Variants in MALRD1 observed in about 807,000 individuals in gnomAD.
MALRD1 encodes the protein MAM and LDL receptor class A domain containing 1.
Under a neutral mutation model 242.1 loss-of-function variants are expected in MALRD1, and 247 were observed. The ratio of observed to expected loss-of-function variants is 1.02; its 90% CI spans 0.92 to 1.13. The LOEUF (loss-of-function observed/expected upper bound fraction) is 1.13. Among genes scored for constraint, MALRD1 ranks in the 50% most tolerant of loss-of-function variants. MALRD1 has a pLI of 0.00. For missense variants in MALRD1, 2,989 were observed against 2,533.1 expected (o/e 1.18, Z -3.86); for synonymous variants, 995 against 866.6 (o/e 1.15, Z -2.60).
At chr10:19,162,317 C>T (rs1214482180) in intron 12 of MALRD1, among the ~76,000 whole-genome samples, 2 of 152,110 alleles carry the variant, frequency 1.3e-5, no homozygotes, top group Admixed American at 1.3e-4. Context: ...GTTACTTTCT[C>T]TCTATATATT....
chr10:19,555,809 G>T (rs1057445961), intron 32 of MALRD1, among the ~76,000 whole-genome samples: 2 of 152,138 alleles, frequency 1.3e-5, no homozygotes, highest in Non-Finnish European at 2.9e-5. Context: ...GGTCTCTAAA[G>T]ATTGAGTTGG....
chr10:19,726,993 A>G (rs1835056963), intron 38 of MALRD1, among the ~76,000 whole-genome samples: 1 of 152,220 alleles, frequency 6.6e-6, no homozygotes, highest in African/African-American at 2.4e-5. Context: ...TCAGAGTTAT[A>G]AAAACATTTT....
intron 33 of MALRD1, among the ~76,000 whole-genome samples, chr10:19,576,503 A>T (rs1836834018): frequency 6.6e-6 from 1 of 152,230 alleles, no homozygotes; most frequent in African/African-American, 2.4e-5. Context: ...AGCAAATGGA[A>T]GGGAAATTAA....
intron 18 of MALRD1, among the ~76,000 whole-genome samples, chr10:19,246,404 A>G (rs970244680): frequency 6.6e-6 from 1 of 152,118 alleles, no homozygotes; most frequent in African/African-American, 2.4e-5. Context: ...AGAGGGGGAG[A>G]CACCATAAGA....
At chr10:19,578,781 T>A (rs989916066) in intron 33 of MALRD1, among the ~76,000 whole-genome samples, 1 of 152,012 alleles carries the variant, frequency 6.6e-6, no homozygotes, top group Non-Finnish European at 1.5e-5. Flanking sequence ...CCTTGTGTTT[T>A]GCCCTTCCTT....
intron 28 of MALRD1, among the ~76,000 whole-genome samples, chr10:19,419,166 T>G (rs1444374488): frequency 1.3e-5 from 2 of 152,218 alleles, no homozygotes; most frequent in South Asian, 4.1e-4. Flanking sequence ...AATACCTTCA[T>G]TTCCCTTAAC....
intron 21 of MALRD1, among the ~76,000 whole-genome samples, chr10:19,295,184 G>C (rs978977087): frequency 4.6e-5 from 7 of 151,878 alleles, no homozygotes; most frequent in Non-Finnish European, 8.8e-5. Context: ...ATACACAGTA[G>C]AATTTTGTGT....
At chr10:19,576,414 C>A (rs1481820727) in intron 33 of MALRD1, among the ~76,000 whole-genome samples, 1 of 152,128 alleles carries the variant, frequency 6.6e-6, no homozygotes, top group Non-Finnish European at 1.5e-5. Flanking sequence ...CTTGAAAATT[C>A]TGCAACATTT....
At chr10:19,617,362 A>G (rs919284477) in intron 36 of MALRD1, among the ~76,000 whole-genome samples, 8 of 152,098 alleles carry the variant, frequency 5.3e-5, no homozygotes, top group African/African-American at 1.9e-4. Context: ...AAGAAAGTCA[A>G]TCAAATATCC....
rs958182696 is a variant in MALRD1, at chr10:19,619,505, A to C, written c.6137+3582A>C. On this transcript the variant is annotated intron_variant, in intron 36 of 39. Coordinates refer to ENST00000454679, the MANE Select transcript of MALRD1 (RefSeq NM_001142308.3). The stretch of plus-strand genomic sequence containing the variant: ...TTTATTTTTAAGGATACCTCCAACA[A>C]TTATGGTCATTGAAAAAACATAAAA... 5.9e-5 allele frequency among the ~76,000 whole-genome samples: 9 copies of C among 152,220 alleles called. No individual in the cohort carries two copies. The South Asian group carries it at 8.3e-4, about 14-fold the overall frequency.
intron 18 of MALRD1, among the ~76,000 whole-genome samples, chr10:19,252,191 T>C (rs1240680476): frequency 1.3e-5 from 2 of 152,060 alleles, no homozygotes; most frequent in Non-Finnish European, 2.9e-5. Context: ...AGGACTAGTG[T>C]CTGCGGCAGC....
At chr10:19,537,565 A>G (rs761617460) in intron 32 of MALRD1, among the ~76,000 whole-genome samples, 1 of 152,070 alleles carries the variant, frequency 6.6e-6, no homozygotes, top group African/African-American at 2.4e-5. Context: ...TTCAAACATC[A>G]TCTTTCTCAG....
chr10:19,641,275 A>G (rs1589346981), intron 36 of MALRD1, among the ~76,000 whole-genome samples: 1 of 152,296 alleles, frequency 6.6e-6, no homozygotes, highest in East Asian at 1.9e-4. Context: ...CACTGAAGAT[A>G]TTATAGATAA....
chr10:19,542,603 T>G (rs12359487), intron 32 of MALRD1, among the ~76,000 whole-genome samples: 9,092 of 152,140 alleles, frequency 0.06, 336 homozygotes, highest in Middle Eastern at 0.1. Flanking sequence ...CTCCTGTGGA[T>G]TGGACATGCC....
At chr10:19,561,029 C>G (rs1377600377) in intron 32 of MALRD1, among the ~76,000 whole-genome samples, 4 of 151,902 alleles carry the variant, frequency 2.6e-5, no homozygotes, top group African/African-American at 9.7e-5. Flanking sequence ...AAAAATCTAT[C>G]TAATATATCT....
At chr10:19,106,548 T>C (rs188262177) in intron 5 of MALRD1, among the ~76,000 whole-genome samples, 55 of 152,010 alleles carry the variant, frequency 3.6e-4, no homozygotes, top group Admixed American at 1.0e-3. Context: ...CCAGCTATTG[T>C]TTGTCAATTT....
At chr10:19,327,057 C>G (rs1397405943) in intron 22 of MALRD1, among the ~76,000 whole-genome samples, 1 of 152,052 alleles carries the variant, frequency 6.6e-6, no homozygotes, top group Non-Finnish European at 1.5e-5. Flanking sequence ...GCAGGAAGCT[C>G]TTACTGGCGC....
chr10:19,374,351 A>T (rs573111827), intron 26 of MALRD1, among the ~76,000 whole-genome samples: 3 of 152,350 alleles, frequency 2.0e-5, no homozygotes, highest in African/African-American at 7.2e-5. Context: ...CAGATAAATT[A>T]AAATTTTCAG....
At chr10:19,119,828 G>A (rs980006460) in intron 5 of MALRD1, among the ~76,000 whole-genome samples, 1 of 152,174 alleles carries the variant, frequency 6.6e-6, no homozygotes, top group Non-Finnish European at 1.5e-5. Context: ...TATAAACTAA[G>A]TTCCTCCCAA....
Sources: allele counts gnomAD v4.1 joint callset (sites outside exome capture counted in the v4.1 genomes callset), GRCh38; gene constraint gnomAD v4.1.1; transcripts MANE v1.5; gene names NCBI Gene and HGNC (gene_info 2026-07-23, HGNC 2026-07-21).